The following MALRD1 variants were observed in gnomAD, a reference collection of about 807,000 sequenced individuals.
MALRD1 encodes MAM and LDL-receptor class A domain-containing protein 1.
In MALRD1, 247 loss-of-function variants were observed where a neutral mutation model predicts 242.1. The observed-to-expected ratio is 1.02, with a 90% confidence interval of 0.92 to 1.13. The LOEUF (loss-of-function observed/expected upper bound fraction) is 1.13, where lower values mean the gene tolerates loss of function less well. Among genes scored for constraint, MALRD1 ranks in the 50% most tolerant of loss-of-function variants. MALRD1 has a pLI of 0.00. For synonymous variants in MALRD1, 995 were observed against 866.6 expected (o/e 1.15, Z -2.60); for missense variants, 2,989 against 2,533.1 (o/e 1.18, Z -3.86).
intron 14 of MALRD1, among the ~76,000 whole-genome samples, chr10:19,176,111 A>G (rs1156534894): frequency 6.6e-6 from 1 of 152,064 alleles, no homozygotes; most frequent in Non-Finnish European, 1.5e-5. Flanking sequence ...GAAAAGTGTC[A>G]CACTTTATTT....
At chr10:19,211,059 C>T (rs1837029270) in intron 18 of MALRD1, among the ~76,000 whole-genome samples, 1 of 152,122 alleles carries the variant, frequency 6.6e-6, no homozygotes, top group African/African-American at 2.4e-5. Flanking sequence ...CAAATTAATT[C>T]TTAACGTCTC....
intron 1 of MALRD1, among the ~76,000 whole-genome samples, chr10:19,059,194 G>C (rs1039828670): frequency 1.3e-5 from 2 of 152,088 alleles, no homozygotes; most frequent in Non-Finnish European, 2.9e-5. Flanking sequence ...AAATGAGAAA[G>C]TGCTCATGAA....
chr10:19,148,784 A>ATATATAT (rs1309198981), intron 11 of MALRD1, among the ~76,000 whole-genome samples: 40 of 63,944 alleles, frequency 6.3e-4, no homozygotes, highest in African/African-American at 1.6e-3. Flanking sequence ...AAAAAAAAAA[A>ATATATAT]AAAAATATAT....
At chr10:19,160,030 T>G (rs967200053) in intron 12 of MALRD1, among the ~76,000 whole-genome samples, 1 of 152,200 alleles carries the variant, frequency 6.6e-6, no homozygotes, top group Non-Finnish European at 1.5e-5. Flanking sequence ...GAAATTCTCT[T>G]GAATGCAGTG....
chr10:19,719,197 T>TATATATA (rs1834584385), intron 38 of MALRD1, among the ~76,000 whole-genome samples: 1 of 31,624 alleles, frequency 3.2e-5, no homozygotes, highest in African/African-American at 1.4e-4. Context: ...TATACATACA[T>TATATATA]ATATATATAT....
chr10:19,662,065 T>C (rs1282221224), intron 36 of MALRD1, among the ~76,000 whole-genome samples: 1 of 152,166 alleles, frequency 6.6e-6, no homozygotes, highest in Non-Finnish European at 1.5e-5. Flanking sequence ...AAGTAGCATC[T>C]GTTAATGTAA....
At chr10:19,159,151 C>T (rs1834290456) in intron 12 of MALRD1, among the ~76,000 whole-genome samples, 1 of 152,018 alleles carries the variant, frequency 6.6e-6, no homozygotes, top group Non-Finnish European at 1.5e-5. Flanking sequence ...TAAGCTTGTT[C>T]AGGAAAAGAA....
intron 18 of MALRD1, among the ~76,000 whole-genome samples, chr10:19,235,543 A>C (rs1306856716): frequency 6.7e-6 from 1 of 149,766 alleles, no homozygotes; most frequent in Admixed American, 6.8e-5. Context: ...GAAGTAAATA[A>C]ATACTCAGGA....
At chr10:19,656,684 C>A (rs760980413) in intron 36 of MALRD1, among the ~76,000 whole-genome samples, 7 of 152,016 alleles carry the variant, frequency 4.6e-5, no homozygotes, top group Non-Finnish European at 8.8e-5. Flanking sequence ...ATTTGGCATT[C>A]TGGGAACATT....
At chr10:19,063,507 C>G (rs1242329285) in intron 1 of MALRD1, among the ~76,000 whole-genome samples, 1 of 152,128 alleles carries the variant, frequency 6.6e-6, no homozygotes, top group Non-Finnish European at 1.5e-5. Flanking sequence ...AATCATGCCT[C>G]AAGCTGATTG....
chr10:19,427,021 C>T (rs1203490278), intron 28 of MALRD1, among the ~76,000 whole-genome samples: 1 of 152,168 alleles, frequency 6.6e-6, no homozygotes, highest in Non-Finnish European at 1.5e-5. Context: ...GATGCTGACA[C>T]CTAAGTCAGT....
intron 14 of MALRD1, among the ~76,000 whole-genome samples, chr10:19,190,741 C>G (rs59526042): frequency 0.066 from 9,938 of 150,268 alleles, 404 homozygotes; most frequent in East Asian, 0.2. Context: ...GCTGGGAAAA[C>G]TAGATATCAA....
chr10:19,370,649 T>G (rs2130744499), intron 26 of MALRD1, among the ~76,000 whole-genome samples: 1 of 152,252 alleles, frequency 6.6e-6, no homozygotes, highest in East Asian at 1.9e-4. Flanking sequence ...GTAAACTCAG[T>G]TCACTTCAAC....
chr10:19,140,095 T>C (rs528953161), intron 10 of MALRD1, among the ~76,000 whole-genome samples: 42 of 152,324 alleles, frequency 2.8e-4, no homozygotes, highest in Non-Finnish European at 5.4e-4. Context: ...ATTTATAATA[T>C]AATCCTGTTA....
At chr10:19,465,870 A>C (rs922263207) in intron 29 of MALRD1, among the ~76,000 whole-genome samples, 1 of 152,146 alleles carries the variant, frequency 6.6e-6, no homozygotes, top group African/African-American at 2.4e-5. Context: ...TCTGTAATTC[A>C]AAAACCTAAA....
chr10:19,139,543 A>G (rs1469650103), intron 10 of MALRD1, among the ~76,000 whole-genome samples: 1 of 152,214 alleles, frequency 6.6e-6, no homozygotes, highest in African/African-American at 2.4e-5. Flanking sequence ...AGTAAATATG[A>G]ACTCGTGAGG....
intron 38 of MALRD1, among the ~76,000 whole-genome samples, chr10:19,719,468 A>G (rs996836477): frequency 1.5e-4 from 23 of 151,710 alleles, no homozygotes; most frequent in Admixed American, 1.2e-3. Context: ...GTTCCCATTA[A>G]AATGCTCTGC....
At position 19,364,844 on chromosome 10, in the gene MALRD1, C is replaced by G. The variant is rs575082330; in HGVS notation, c.4441+12547C>G. Among the ~76,000 whole-genome samples the G allele has an allele frequency of 1.1e-3, 162 of 152,178 alleles. 2 individuals carry two copies. The highest frequency in any genetic ancestry group is 6.6e-3 in the Admixed American group (101 of 15,260). On this transcript the variant is annotated intron_variant, in intron 26 of 39. Transcript: ENST00000454679. ...AAAATAATTTAATTTTTAACTCTAT[C>G]ATTGTTCCAAGAAAATGTCCTTAAT...
At chr10:19,349,322 CAT>C (rs150371966) in intron 25 of MALRD1, among the ~76,000 whole-genome samples, 1,961 of 152,296 alleles carry the variant, frequency 0.013, 36 homozygotes, top group African/African-American at 0.036. Flanking sequence ...GGGAGAGAAA[CAT>C]ATCAAACAGC....
Sources: gnomAD v4.1 joint callset for allele counts (sites outside exome capture counted in the v4.1 genomes callset) on GRCh38, gnomAD v4.1.1 for gene constraint, MANE v1.5 for transcripts, NCBI Gene and HGNC (gene_info 2026-07-23, HGNC 2026-07-21) for gene names.